SEPTIN10: variants seen among roughly 807,000 people sequenced by gnomAD.
The protein encoded by SEPTIN10 is septin 10, also known as septin-10.
A neutral mutation model predicts 54.8 loss-of-function variants in SEPTIN10; 66 were observed. The observed-to-expected ratio is 1.21, with a 90% CI of 0.99 to 1.48. The LOEUF is 1.48. Ranked by LOEUF, SEPTIN10 falls within the 40% of genes most tolerant of loss-of-function variation. The probability of loss-of-function intolerance (pLI) is 0.00; values close to 1 mark genes in which losing one functional copy is unlikely to be tolerated. For synonymous variants in SEPTIN10, 161 were observed against 181.0 expected, an observed-to-expected ratio of 0.89 and a Z score of 0.89; for missense variants, 620 against 545.6, an observed-to-expected ratio of 1.14 and a Z score of -1.36.
At chr2:109,610,218 A>G (rs1698955220) in intron 1 of SEPTIN10, among the ~76,000 whole-genome samples, 1 of 151,820 alleles carries the variant, frequency 6.6e-6, no homozygotes, top group Non-Finnish European at 1.5e-5. Flanking sequence ...CCTCCCAAGT[A>G]GTTGGGACTA....
At chr2:109,608,934 T>C (rs1273059058) in intron 1 of SEPTIN10, among the ~76,000 whole-genome samples, 2 of 152,202 alleles carry the variant, frequency 1.3e-5, no homozygotes, top group African/African-American at 2.4e-5. Context: ...ATCACATTAA[T>C]ATGGTTGAAA....
At chr2:109,545,678 T>C in intron 10 of SEPTIN10, 11 of 1,467,594 alleles carry the variant, frequency 7.5e-6, no homozygotes, top group Non-Finnish European at 9.9e-6. Context: ...TATTTAGACA[T>C]GAAATTCAAA....
At chr2:109,599,957 A>G (rs1696250961) in intron 1 of SEPTIN10, among the ~76,000 whole-genome samples, 1 of 152,212 alleles carries the variant, frequency 6.6e-6, no homozygotes, top group African/African-American at 2.4e-5. Flanking sequence ...GCAGCCAAAC[A>G]GGTGCGCCAT....
chr2:109,606,672 C>CTTTTTTTTTTTTTTT (rs34414105), intron 1 of SEPTIN10, among the ~76,000 whole-genome samples: 2 of 71,896 alleles, frequency 2.8e-5, no homozygotes, highest in African/African-American at 5.5e-5. Flanking sequence ...AAATTTTAAG[C>CTTTTTTTTTTTTTTT]TTTTTTTTTT....
chr2:109,609,847 T>C (rs893322507), intron 1 of SEPTIN10, among the ~76,000 whole-genome samples: 19 of 151,972 alleles, frequency 1.3e-4, no homozygotes, highest in Non-Finnish European at 4.4e-5. Flanking sequence ...ACTGAAGAAG[T>C]GGAAAATTAT....
At chr2:109,606,413 C>T (rs1697962935) in intron 1 of SEPTIN10, among the ~76,000 whole-genome samples, 1 of 151,626 alleles carries the variant, frequency 6.6e-6, no homozygotes, top group South Asian at 2.1e-4. Flanking sequence ...GACTCTGTCT[C>T]AAAAAACAAA....
At chr2:109,573,277 T>C (rs992636552) in intron 5 of SEPTIN10, among the ~76,000 whole-genome samples, 2 of 152,206 alleles carry the variant, frequency 1.3e-5, no homozygotes, top group Non-Finnish European at 2.9e-5. Context: ...AGAGCCAATA[T>C]TTAGAGCCGT....
At chr2:109,559,909 GCCTTT>G (rs1291160929) in intron 8 of SEPTIN10, among the ~76,000 whole-genome samples, 1 of 115,178 alleles carries the variant, frequency 8.7e-6, no homozygotes, top group Non-Finnish European at 1.7e-5. Flanking sequence ...TCCAACCAAT[GCCTTT>G]TTTTTTTTTT....
At chr2:109,576,788 C>T (rs906830423) in intron 4 of SEPTIN10, among the ~76,000 whole-genome samples, 5 of 151,320 alleles carry the variant, frequency 3.3e-5, no homozygotes, top group Non-Finnish European at 7.4e-5. Context: ...ATACTCTGGA[C>T]AAAAAGATAA....
intron 8 of SEPTIN10, among the ~76,000 whole-genome samples, chr2:109,561,345 C>G (rs935009844): frequency 1.3e-5 from 2 of 152,174 alleles, no homozygotes; most frequent in East Asian, 1.9e-4. Flanking sequence ...GGAACCCCCC[C>G]ACCCACACAA....
Position 109,565,781 on chromosome 2 carries a change from G to C in SEPTIN10, c.841C>G (p.Pro281Ala). Residue 281 changes from proline to alanine, a missense_variant, in exon 7 of 11, where the codon CCT (proline) becomes GCT (alanine). By Grantham distance (27) the Pro-to-Ala change is conservative. Transcript: ENST00000397712. ...CATTTACCTTGTACAACACCCCAAG[G>C]GTACTGGCGAGCTTTGACCATCTTG... ...GNKMVKARQY[P>A]WGVVQVENEN... The C allele has an allele frequency of 1.2e-6, 2 of 1,613,734 alleles. No homozygotes were observed. The highest frequency in any genetic ancestry group is 1.7e-6 in the Non-Finnish European group (2 of 1,179,870).
chr2:109,566,549 T>C (rs1687087781), intron 6 of SEPTIN10, among the ~76,000 whole-genome samples: 1 of 152,136 alleles, frequency 6.6e-6, no homozygotes, highest in African/African-American at 2.4e-5. Flanking sequence ...TGTATTCCTA[T>C]TGTTTGTGTG....
At chr2:109,583,108 T>C (rs1197557507) in intron 4 of SEPTIN10, among the ~76,000 whole-genome samples, 1 of 152,210 alleles carries the variant, frequency 6.6e-6, no homozygotes, top group South Asian at 2.1e-4. Context: ...ATGCTGCACA[T>C]TGGCCTTGGA....
chr2:109,549,601 TA>T (rs1682319639), intron 9 of SEPTIN10, among the ~76,000 whole-genome samples: 1 of 152,226 alleles, frequency 6.6e-6, no homozygotes, highest in Non-Finnish European at 1.5e-5. Context: ...TCTTTTGTGC[TA>T]TCAATAGTCA....
Position 109,546,251 on chromosome 2 carries a change from T to C in SEPTIN10, c.1162-14A>G. 1 of 1,526,232 alleles carries C rather than the reference T, an allele frequency of 6.6e-7. No homozygotes were observed. The highest frequency in any genetic ancestry group is 8.8e-7 in the Non-Finnish European group (1 of 1,138,160). The allele number at this position is 1,526,232 out of a possible 1,614,324, so 94.5% of individuals were successfully genotyped here. Reference sequence around the variant, plus strand: ...TTTGGCCTGTAGCTGGAAACAAAAGTGCAATCCCCACTACTGACACAGCGC... The same window carrying C: ...TTTGGCCTGTAGCTGGAAACAAAAGCGCAATCCCCACTACTGACACAGCGC... On this transcript the variant is annotated splice_polypyrimidine_tract_variant and intron_variant, in intron 9 of 10. Transcript: ENST00000397712.
rs750356393 is a variant in SEPTIN10, at chr2:109,545,580, TAG to T, written c.1349+468_1349+469del. 3.9e-6 allele frequency: 6 copies of T among 1,534,404 alleles called. No individual in the cohort carries two copies. In the East Asian group the frequency reaches 1.2e-4, roughly 31 times the overall value. ...AAAATTCTCACAAAATCAGTATCAGTAGAATTTGTTCTAAAAAACTGAACCTA... is the reference window on the plus strand; with the variant it reads ...AAAATTCTCACAAAATCAGTATCAGTAATTTGTTCTAAAAAACTGAACCTA... On this transcript the variant is annotated intron_variant, in intron 10 of 10. Transcript: ENST00000397712.
chr2:109,609,894 G>T (rs1481898980), intron 1 of SEPTIN10, among the ~76,000 whole-genome samples: 3 of 152,074 alleles, frequency 2.0e-5, no homozygotes, highest in Non-Finnish European at 4.4e-5. Context: ...GCAGTCAGTG[G>T]ACTGTACTCA....
intron 2 of SEPTIN10, among the ~76,000 whole-genome samples, chr2:109,590,089 T>C (rs573116792): frequency 2.1e-3 from 316 of 148,448 alleles, no homozygotes; most frequent in Non-Finnish European, 3.6e-3. Context: ...TATGTATATA[T>C]ATACACACAT....
intron 1 of SEPTIN10, among the ~76,000 whole-genome samples, chr2:109,607,221 G>A (rs1298240527): frequency 2.0e-5 from 3 of 152,144 alleles, no homozygotes; most frequent in African/African-American, 7.2e-5. Context: ...TTAGTAAGCT[G>A]CTTGGAGTAA....
Sources: gnomAD v4.1 joint callset for allele counts (sites outside exome capture counted in the v4.1 genomes callset) on GRCh38, gnomAD v4.1.1 for gene constraint, MANE v1.5 for transcripts, NCBI Gene and HGNC (gene_info 2026-07-23, HGNC 2026-07-21) for gene names.